The following TMEM163 variants were observed in gnomAD, a reference collection of about 807,000 sequenced individuals.
TMEM163 encodes the protein transmembrane protein 163.
TMEM163 carries 17 observed loss-of-function variants against 29.3 expected under a neutral mutation model. That is an observed-to-expected ratio of 0.58 (90% CI 0.40 to 0.87). TMEM163 has a LOEUF of 0.87. TMEM163 is among the 40% of genes least tolerant of loss of function. TMEM163 has a pLI of 0.00. For synonymous variants in TMEM163, 157 were observed against 160.6 expected (o/e 0.98, Z 0.17); for missense variants, 303 against 381.5 (o/e 0.79, Z 1.71).
At chr2:134,532,539 T>C (rs1680438321) in intron 4 of TMEM163, among the ~76,000 whole-genome samples, 1 of 152,196 alleles carries the variant, frequency 6.6e-6, no homozygotes, top group African/African-American at 2.4e-5. Context: ...TAAGGAAACA[T>C]GTATTTTATC....
At chr2:134,507,400 A>G (rs1279040324) in intron 4 of TMEM163, among the ~76,000 whole-genome samples, 1 of 152,182 alleles carries the variant, frequency 6.6e-6, no homozygotes, top group African/African-American at 2.4e-5. Flanking sequence ...AGTGGTTGTC[A>G]CAGTGTGGTC....
chr2:134,563,450 A>C (rs1681226720), intron 2 of TMEM163, among the ~76,000 whole-genome samples: 1 of 152,242 alleles, frequency 6.6e-6, no homozygotes, highest in African/African-American at 2.4e-5. Flanking sequence ...TTAAGTGAAT[A>C]CACAAATTCC....
chr2:134,715,237 C>T (rs1685013611), intron 1 of TMEM163, among the ~76,000 whole-genome samples: 1 of 152,174 alleles, frequency 6.6e-6, no homozygotes, highest in Non-Finnish European at 1.5e-5. Context: ...CATCCAAAGT[C>T]AGCTAGTTTC....
chr2:134,571,557 C>G (rs1681429600), intron 2 of TMEM163, among the ~76,000 whole-genome samples: 1 of 152,144 alleles, frequency 6.6e-6, no homozygotes, highest in Non-Finnish European at 1.5e-5. Context: ...AAGACTAATC[C>G]TAGCTTTGGT....
intron 2 of TMEM163, among the ~76,000 whole-genome samples, chr2:134,558,602 G>A (rs1391027265): frequency 1.3e-5 from 2 of 152,134 alleles, no homozygotes; most frequent in South Asian, 2.1e-4. Context: ...CTTTGAGGGA[G>A]GGTTCTGGAC....
At chr2:134,577,728 C>T (rs1389147306) in intron 2 of TMEM163, among the ~76,000 whole-genome samples, 5 of 151,742 alleles carry the variant, frequency 3.3e-5, no homozygotes, top group South Asian at 2.1e-4. Flanking sequence ...TGGGAGCCTC[C>T]GTGCCCACCA....
intron 4 of TMEM163, among the ~76,000 whole-genome samples, chr2:134,542,152 G>T (rs935748438): frequency 1.4e-4 from 21 of 152,094 alleles, no homozygotes; most frequent in Non-Finnish European, 2.6e-4. Flanking sequence ...AAAACAAAAC[G>T]CGAAGGTAGA....
At chr2:134,505,235 A>T (rs1448339064) in intron 4 of TMEM163, among the ~76,000 whole-genome samples, 1 of 105,130 alleles carries the variant, frequency 9.5e-6, no homozygotes, top group Non-Finnish European at 1.9e-5. Flanking sequence ...CACCTGGGGA[A>T]TTCCTTTTTT....
intron 2 of TMEM163, among the ~76,000 whole-genome samples, chr2:134,665,396 T>C (rs1031724420): frequency 6.6e-6 from 1 of 152,140 alleles, no homozygotes; most frequent in Non-Finnish European, 1.5e-5. Flanking sequence ...TTATTCACTA[T>C]CATGAGAACG....
chr2:134,667,070 T>G (rs1318974237), intron 2 of TMEM163, among the ~76,000 whole-genome samples: 7 of 152,236 alleles, frequency 4.6e-5, no homozygotes, highest in Admixed American at 4.6e-4. Context: ...AGCATGAGTG[T>G]GACCTAGTGC....
intron 2 of TMEM163, among the ~76,000 whole-genome samples, chr2:134,621,341 A>G (rs1017500637): frequency 5.9e-5 from 9 of 152,232 alleles, no homozygotes; most frequent in Non-Finnish European, 1.2e-4. Context: ...AGCACATGGT[A>G]TGGAAAAACT....
At chr2:134,591,195 G>T (rs948709954) in intron 2 of TMEM163, among the ~76,000 whole-genome samples, 2 of 152,068 alleles carry the variant, frequency 1.3e-5, no homozygotes, top group African/African-American at 4.8e-5. Flanking sequence ...TCCCCTCTCC[G>T]TGGCAGAGAG....
chr2:134,590,315 T>C (rs842360), intron 2 of TMEM163, among the ~76,000 whole-genome samples: 66,635 of 151,886 alleles, frequency 0.44, 15,519 homozygotes, highest in East Asian at 0.77. Context: ...CTCCTGGCCT[T>C]GCCTCCATGA....
At chr2:134,625,913 A>G (rs919279123) in intron 2 of TMEM163, among the ~76,000 whole-genome samples, 4 of 152,144 alleles carry the variant, frequency 2.6e-5, no homozygotes, top group African/African-American at 7.2e-5. Flanking sequence ...AGCTAGCCCC[A>G]GAGTCCAGGT....
chr2:134,655,876 G>A (rs1488839010), intron 2 of TMEM163, among the ~76,000 whole-genome samples: 1 of 141,724 alleles, frequency 7.1e-6, no homozygotes, highest in East Asian at 2.0e-4. Flanking sequence ...CAGGGGTCAG[G>A]GACCCACTTG....
intron 2 of TMEM163, among the ~76,000 whole-genome samples, chr2:134,689,454 A>T (rs572706914): frequency 8.5e-5 from 13 of 152,206 alleles, no homozygotes; most frequent in African/African-American, 3.1e-4. Flanking sequence ...CTAGAATTAT[A>T]TTTTGTTTCT....
intron 2 of TMEM163, among the ~76,000 whole-genome samples, chr2:134,588,842 C>T (rs961557931): frequency 6.6e-6 from 1 of 151,720 alleles, no homozygotes; most frequent in Non-Finnish European, 1.5e-5. Context: ...ACAGGCAAAA[C>T]GTTGGGGGGG....
intron 5 of TMEM163, among the ~76,000 whole-genome samples, chr2:134,472,057 G>T (rs142083326): frequency 6.6e-6 from 1 of 152,332 alleles, no homozygotes; most frequent in East Asian, 1.9e-4. Flanking sequence ...ATGACAAAAA[G>T]GTTTAAGGAA....
chr2:134,706,203 G>A (rs1427228826), intron 2 of TMEM163, among the ~76,000 whole-genome samples: 1 of 152,156 alleles, frequency 6.6e-6, no homozygotes, highest in Non-Finnish European at 1.5e-5. Context: ...GGGGATGCTG[G>A]GCAGTGCAGC....
Sources: gnomAD v4.1 joint callset for allele counts (sites outside exome capture counted in the v4.1 genomes callset) on GRCh38, gnomAD v4.1.1 for gene constraint, MANE v1.5 for transcripts, NCBI Gene and HGNC (gene_info 2026-07-23, HGNC 2026-07-21) for gene names.